PARD3: variants seen among roughly 807,000 people sequenced by gnomAD.
PARD3 encodes par-3 family cell polarity regulator.
In PARD3, 75 loss-of-function variants were observed where a neutral mutation model predicts 155.4. That is an observed-to-expected ratio of 0.48 (90% CI 0.40 to 0.58). The LOEUF is 0.58. Ranked by LOEUF, PARD3 falls within the 20% of genes least tolerant of loss-of-function variation. The pLI is 0.00. For synonymous variants in PARD3, 576 were observed against 610.5 expected (o/e 0.94, Z 0.83); for missense variants, 1,642 against 1,721.7 (o/e 0.95, Z 0.82).
intron 1 of PARD3, among the ~76,000 whole-genome samples, chr10:34,720,251 T>A (rs2094582838): frequency 6.6e-6 from 1 of 152,020 alleles, no homozygotes; most frequent in South Asian, 2.1e-4. Context: ...CTGGCCAACA[T>A]GGCGAAACCC....
At chr10:34,417,485 C>T (rs1461160750) in intron 5 of PARD3, among the ~76,000 whole-genome samples, 1 of 152,080 alleles carries the variant, frequency 6.6e-6, no homozygotes, top group East Asian at 1.9e-4. Context: ...TGTCTCCTCT[C>T]TAATGATTTT....
intron 3 of PARD3, among the ~76,000 whole-genome samples, chr10:34,485,149 C>A (rs1252842217): frequency 6.6e-6 from 1 of 152,110 alleles, no homozygotes; most frequent in Admixed American, 6.6e-5. Context: ...ACCAGTGTGA[C>A]CAACATGGTG....
chr10:34,613,049 T>C (rs2091022651), intron 2 of PARD3, among the ~76,000 whole-genome samples: 2 of 152,162 alleles, frequency 1.3e-5, no homozygotes, highest in Admixed American at 6.5e-5. Context: ...AGTACAAATA[T>C]TAATAAATAT....
chr10:34,306,206 A>C (rs1415737810), intron 20 of PARD3, among the ~76,000 whole-genome samples: 2 of 125,004 alleles, frequency 1.6e-5, no homozygotes, highest in Non-Finnish European at 3.8e-5. Flanking sequence ...GACTGAACCC[A>C]GGAGGCAGAG....
At chr10:34,185,999 A>T (rs2133229183) in intron 22 of PARD3, among the ~76,000 whole-genome samples, 1 of 152,138 alleles carries the variant, frequency 6.6e-6, no homozygotes, top group South Asian at 2.1e-4. Context: ...TTTGTTTCCA[A>T]GGAGTTGAGC....
chr10:34,367,804 T>C (rs535392433), intron 12 of PARD3, among the ~76,000 whole-genome samples: 66 of 152,326 alleles, frequency 4.3e-4, no homozygotes, highest in Middle Eastern at 3.4e-3. Context: ...TTCTAGCTCA[T>C]TAAATTTCTA....
chr10:34,478,773 C>A (rs2133173035), intron 3 of PARD3, among the ~76,000 whole-genome samples: 1 of 152,258 alleles, frequency 6.6e-6, no homozygotes, highest in Non-Finnish European at 1.5e-5. Context: ...AAACTCCCGA[C>A]CTCAGGTGAT....
At chr10:34,175,420 G>C (rs890279289) in intron 22 of PARD3, among the ~76,000 whole-genome samples, 1 of 152,146 alleles carries the variant, frequency 6.6e-6, no homozygotes, top group African/African-American at 2.4e-5. Flanking sequence ...CAGCCATAAA[G>C]GAAATTAAAA....
intron 23 of PARD3, among the ~76,000 whole-genome samples, chr10:34,120,555 A>C (rs192492019): frequency 5.8e-4 from 88 of 152,288 alleles, no homozygotes; most frequent in African/African-American, 1.9e-3. Flanking sequence ...TTACAGCAGG[A>C]TACAGTATAG....
chr10:34,133,102 C>T (rs1564419395), intron 22 of PARD3, among the ~76,000 whole-genome samples: 1 of 152,148 alleles, frequency 6.6e-6, no homozygotes, highest in Non-Finnish European at 1.5e-5. Context: ...CTTACAAGAC[C>T]CTGTGGGACC....
chr10:34,331,702 G>A (rs916743481), intron 18 of PARD3, among the ~76,000 whole-genome samples: 51 of 152,002 alleles, frequency 3.4e-4, no homozygotes, highest in African/African-American at 1.2e-3. Flanking sequence ...GGGAAGATGA[G>A]GAGAAGGCTA....
At chr10:34,138,581 T>A (rs903112173) in intron 22 of PARD3, among the ~76,000 whole-genome samples, 1 of 152,270 alleles carries the variant, frequency 6.6e-6, no homozygotes, top group Admixed American at 6.5e-5. Context: ...GGGATCTGGG[T>A]CAAACACACA....
At chr10:34,508,391 T>A (rs1000475589) in intron 3 of PARD3, among the ~76,000 whole-genome samples, 84 of 152,194 alleles carry the variant, frequency 5.5e-4, no homozygotes, top group Non-Finnish European at 1.3e-4. Flanking sequence ...CGGGCTTACA[T>A]CATTTTCAAA....
chr10:34,162,676 G>A lies in PARD3; in HGVS notation c.3420-31093C>T, dbSNP rs550070994. Among the ~76,000 whole-genome samples, 6 of 152,322 alleles carry A rather than the reference G, an allele frequency of 3.9e-5. No homozygotes were observed. The South Asian group carries it at 6.2e-4, about 16-fold the overall frequency. ...GTGCTGGGAAAGAGAAGAAGAGAGT[G>A]TAACTTGATTGAGCTAAGCTTGCTA... On this transcript the variant is annotated intron_variant, in intron 22 of 24. Transcript: ENST00000374788.
chr10:34,764,495 G>T (rs1221725748), intron 1 of PARD3, among the ~76,000 whole-genome samples: 2 of 152,122 alleles, frequency 1.3e-5, no homozygotes, highest in African/African-American at 2.4e-5. Flanking sequence ...GATTTGCTTT[G>T]AACTAATCCA....
At chr10:34,326,051 T>C (rs532889988) in intron 19 of PARD3, among the ~76,000 whole-genome samples, 15 of 149,056 alleles carry the variant, frequency 1.0e-4, no homozygotes, top group Admixed American at 2.7e-4. Context: ...AACCAGGACC[T>C]GGGAGTTGGA....
At chr10:34,159,436 T>C (rs1949167765) in intron 22 of PARD3, among the ~76,000 whole-genome samples, 1 of 152,216 alleles carries the variant, frequency 6.6e-6, no homozygotes, top group South Asian at 2.1e-4. Context: ...TAACTACCCA[T>C]TAAATCACAT....
intron 5 of PARD3, among the ~76,000 whole-genome samples, chr10:34,443,668 CACCAGGACCCTCCCACAATACGTGG>C (rs1589596781): frequency 1.3e-5 from 2 of 152,092 alleles, no homozygotes; most frequent in East Asian, 3.9e-4. Context: ...AATTACCTCC[CACCAGGACCCTCCCACAATACGTGG>C]AAATTGTGGG....
chr10:34,704,115 A>ATTTGGGG (rs2094327476), intron 1 of PARD3, among the ~76,000 whole-genome samples: 1 of 152,222 alleles, frequency 6.6e-6, no homozygotes, highest in Admixed American at 6.5e-5. Context: ...CAGAGTGACC[A>ATTTGGGG]GTCCAGACAC....
Sources: gnomAD v4.1 joint callset for allele counts (sites outside exome capture counted in the v4.1 genomes callset) on GRCh38, gnomAD v4.1.1 for gene constraint, MANE v1.5 for transcripts, NCBI Gene and HGNC (gene_info 2026-07-23, HGNC 2026-07-21) for gene names.